The following ACBD5 variants were observed in gnomAD, a reference collection of about 807,000 sequenced individuals.
The protein encoded by ACBD5 is acyl-CoA binding domain containing 5.
ACBD5 carries 40 observed loss-of-function variants against 71.8 expected under a neutral mutation model. That is an observed-to-expected ratio of 0.56 (90% CI 0.43 to 0.72). The LOEUF (loss-of-function observed/expected upper bound fraction) is 0.72, where lower values mean the gene tolerates loss of function less well. ACBD5 is among the 30% of genes least tolerant of loss of function. The probability of loss-of-function intolerance (pLI) is 0.00; values close to 1 mark genes in which losing one functional copy is unlikely to be tolerated. For synonymous variants in ACBD5, 229 were observed against 218.6 expected, an observed-to-expected ratio of 1.05 and a Z score of -0.42; for missense variants, 559 against 644.5, an observed-to-expected ratio of 0.87 and a Z score of 1.44.
At chr10:27,212,722 A>T (rs2061235440) in intron 8 of ACBD5, among the ~76,000 whole-genome samples, 1 of 150,524 alleles carries the variant, frequency 6.6e-6, no homozygotes, top group Non-Finnish European at 1.5e-5. Context: ...TAAGTTTTTT[A>T]TTTTTTTGTA....
intron 7 of ACBD5, among the ~76,000 whole-genome samples, chr10:27,217,182 G>GCGT (rs2061744591): frequency 6.8e-6 from 1 of 147,156 alleles, no homozygotes; most frequent in African/African-American, 2.5e-5. Flanking sequence ...TCGGCCGGGC[G>GCGT]CGTTGCCTCA....
chr10:27,221,761 A>G (rs2062364857), intron 5 of ACBD5, among the ~76,000 whole-genome samples: 1 of 151,958 alleles, frequency 6.6e-6, no homozygotes, highest in East Asian at 1.9e-4. Flanking sequence ...TAAAAATACA[A>G]AAATTAGCCA....
chr10:27,196,649 A>G lies in ACBD5; in HGVS notation c.*781T>C. ...GCAGACACTAGATATCCTCAGTTAAACAAAAATGATTACAAAGGAATACAT... is the reference window on the plus strand; with the variant it reads ...GCAGACACTAGATATCCTCAGTTAAGCAAAAATGATTACAAAGGAATACAT... On this transcript the variant is annotated 3_prime_UTR_variant, in exon 13 of 13. Transcript: ENST00000396271. 1 of 454,526 alleles carries G rather than the reference A, an allele frequency of 2.2e-6. No individual in the cohort carries two copies. Among genetic ancestry groups the G allele is most frequent in the Non-Finnish European group, 4.4e-6 (1 of 226,784 alleles). The allele number at this position is 454,526 out of a possible 1,614,324, so 28.2% of individuals were successfully genotyped here.
rs757702725 is a variant in ACBD5, at chr10:27,235,153, T to G, written c.241A>C (p.Thr81Pro). ...LKFYSFYKQA[T>P]EGPCKLSRPG... ...CTTGAAAGTTTACAGGGTCCTTCAGTTGCCTGCTTATAGAAGCTATAAAAT... is the reference window on the plus strand; with the variant it reads ...CTTGAAAGTTTACAGGGTCCTTCAGGTGCCTGCTTATAGAAGCTATAAAAT... The change falls in exon 3 of 13, where the codon ACT becomes CCT. Residue 81 changes from threonine to proline, a missense_variant. Physicochemically the swap from Thr to Pro is conservative, Grantham distance 38 (BLOSUM62 -1). Coordinates refer to ENST00000396271, the MANE Select transcript of ACBD5 (RefSeq NM_145698.5). 1 of 1,613,992 alleles carries G rather than the reference T, an allele frequency of 6.2e-7. No homozygotes were observed. Among genetic ancestry groups the G allele is most frequent in the Non-Finnish European group, 8.5e-7 (1 of 1,179,910 alleles).
intron 12 of ACBD5, 55 bp from the exon 13 acceptor site, chr10:27,197,497 C>T (rs1282933449): frequency 3.8e-6 from 5 of 1,302,260 alleles, no homozygotes; most frequent in Non-Finnish European, 5.5e-6. Flanking sequence ...AAATAATTCT[C>T]TGGATGGTAA....
intron 4 of ACBD5, among the ~76,000 whole-genome samples, chr10:27,227,152 C>T (rs1271500241): frequency 6.6e-6 from 1 of 150,898 alleles, no homozygotes. Context: ...TATAAGTTAA[C>T]TAAGCTAATT....
In ACBD5 at chr10:27,208,426, C is replaced by T. The variant is rs779790235; in HGVS notation, c.1224G>A (p.Leu408=). 6.2e-7 allele frequency: 1 copy of T among 1,613,968 alleles called. No individual in the cohort carries two copies. Among genetic ancestry groups the T allele is most frequent in the South Asian group, 1.1e-5 (1 of 91,062 alleles). Residue 408 remains leucine (L), a synonymous_variant, in exon 10 of 13, where the codon TTG becomes TTA. Transcript: ENST00000396271. ...CCTGCCGGCCCTTGGTTCCTTCGCT[C>T]AAGTGTTGCATCCTATGTCCTATTT... ...RRGRGHRMQH[L]SEGTKGRQVG...
At chr10:27,183,940 G>T (rs1345662756) in intron 13 of ACBD5, among the ~76,000 whole-genome samples, 2 of 152,002 alleles carry the variant, frequency 1.3e-5, no homozygotes, top group Non-Finnish European at 2.9e-5. Flanking sequence ...TCGAACTCCT[G>T]GGCTCAAGCC....
In ACBD5 at chr10:27,240,613, C is replaced by T. The variant is rs2065370564; in HGVS notation, c.15+61G>A. The T allele has an allele frequency of 6.4e-7, 1 of 1,551,164 alleles. No homozygotes were observed. Among genetic ancestry groups the T allele is most frequent in the Non-Finnish European group, 8.7e-7 (1 of 1,146,956 alleles). ...GATCGAAGCGGCCCGGCTCCTTCCT[C>T]CTCCCCCGGGGCGTGACTAAGGCCA... On this transcript the variant is annotated intron_variant, in intron 1 of 12. Transcript: ENST00000396271. This position sits in a 1 kb window ranked among gnomAD's most constrained non-coding sequence, Gnocchi z 4.1.
At chr10:27,236,698 G>A (rs7919807) in intron 2 of ACBD5, among the ~76,000 whole-genome samples, 14,054 of 151,990 alleles carry the variant, frequency 0.092, 879 homozygotes, top group African/African-American at 0.16. Context: ...AGACCAGCCT[G>A]GCCAACATGA....
intron 7 of ACBD5, among the ~76,000 whole-genome samples, chr10:27,216,621 T>C (rs1446356679): frequency 6.6e-6 from 1 of 152,234 alleles, no homozygotes; most frequent in African/African-American, 2.4e-5. Context: ...ATTTTTATAC[T>C]GAGAGACGAA....
intron 13 of ACBD5, chr10:27,186,961 T>C (rs1373066386): frequency 4.1e-6 from 1 of 243,792 alleles, no homozygotes; most frequent in East Asian, 1.1e-4. Context: ...CTTCAAAAGC[T>C]GTGTTCTTGA....
intron 4 of ACBD5, among the ~76,000 whole-genome samples, chr10:27,227,654 T>C (rs1332572974): frequency 2.0e-5 from 3 of 152,012 alleles, no homozygotes; most frequent in Admixed American, 2.0e-4. Flanking sequence ...TGTTCTAGAG[T>C]TGTTGAGCTA....
chr10:27,210,361 C>T (rs2060932509), intron 9 of ACBD5, among the ~76,000 whole-genome samples: 2 of 152,188 alleles, frequency 1.3e-5, no homozygotes, highest in South Asian at 4.1e-4. Flanking sequence ...CACTGAGGTG[C>T]CTGATGCTGT....
At chr10:27,194,645 T>TAAG (rs1461635766), downstream of ACBD5, among the ~76,000 whole-genome samples, 21 of 148,480 alleles carry the variant, frequency 1.4e-4, no homozygotes, top group African/African-American at 4.9e-4. Context: ...ATAATAATAA[T>TAAG]AATAAGATGG....
At chr10:27,200,697 G>GATCC (rs1308371163) in intron 12 of ACBD5, among the ~76,000 whole-genome samples, 13 of 152,110 alleles carry the variant, frequency 8.5e-5, no homozygotes, top group Non-Finnish European at 1.8e-4. Context: ...GACCTCAGGT[G>GATCC]ACCGGCTCAC....
chr10:27,233,966 C>G (rs2064273047), intron 3 of ACBD5, among the ~76,000 whole-genome samples: 1 of 152,036 alleles, frequency 6.6e-6, no homozygotes, highest in East Asian at 1.9e-4. Context: ...ATCGCTTGAA[C>G]CTGGGAGGCA....
In ACBD5 at chr10:27,197,401, T is replaced by C. The variant is rs781448515; in HGVS notation, c.*29A>G. The C allele has an allele frequency of 6.2e-6, 10 of 1,607,944 alleles. No homozygotes were observed. In the Admixed American group the frequency reaches 6.7e-5, roughly 11 times the overall value. On this transcript the variant is annotated 3_prime_UTR_variant, in exon 13 of 13. Coordinates refer to ENST00000396271, the MANE Select transcript of ACBD5 (RefSeq NM_145698.5). ...TCATTCTGAGGTCATCCAGTTCCAG[T>C]AGTCTTCTTGAGGAAAACACCATTT...
At chr10:27,193,524 A>G (rs1451793380), downstream of ACBD5, 2 of 152,244 alleles carry the variant, frequency 1.3e-5, no homozygotes, top group Admixed American at 1.3e-4. Context: ...ATACAAAAAT[A>G]TAACTATGAG....
Sources: gnomAD v4.1 joint callset for allele counts (sites outside exome capture counted in the v4.1 genomes callset) on GRCh38, gnomAD v4.1.1 for gene constraint, Gnocchi (gnomAD v3.1) non-coding constraint, MANE v1.5 for transcripts, NCBI Gene and HGNC (gene_info 2026-07-23, HGNC 2026-07-21) for gene names.